The following C1orf94 variants were observed in gnomAD, a reference collection of about 807,000 sequenced individuals.
The protein encoded by C1orf94 is chromosome 1 open reading frame 94.
In C1orf94, 45 loss-of-function variants were observed where a neutral mutation model predicts 53.6. That is an observed-to-expected ratio of 0.84 (90% CI 0.66 to 1.08). The LOEUF is 1.08. C1orf94 is among the 50% of genes least tolerant of loss of function. The pLI, the probability that C1orf94 is intolerant of heterozygous loss-of-function variation, is 0.00. For synonymous variants in C1orf94, 304 were observed against 296.1 expected, an observed-to-expected ratio of 1.03 and a Z score of -0.27; for missense variants, 762 against 738.9, an observed-to-expected ratio of 1.03 and a Z score of -0.36.
upstream of C1orf94, among the ~76,000 whole-genome samples, chr1:34,174,020 C>T (rs1227173440): frequency 1.3e-5 from 2 of 152,234 alleles, no homozygotes; most frequent in Non-Finnish European, 2.9e-5. Flanking sequence ...GAATGCTTTG[C>T]CCCGCCTCTG....
chr1:34,207,262 GGTGTGTGTGTGTGTGT>G (rs58794132), intron 4 of C1orf94, among the ~76,000 whole-genome samples: 20 of 147,342 alleles, frequency 1.4e-4, no homozygotes, highest in South Asian at 6.7e-4. Context: ...AGTTCTGCGG[GGTGTGTGTGTGTGTGT>G]GTGTGTGTGT....
intron 1 of C1orf94, among the ~76,000 whole-genome samples, chr1:34,171,585 T>C (rs745503529): frequency 5.5e-4 from 84 of 152,364 alleles, no homozygotes; most frequent in Middle Eastern, 3.4e-3. Context: ...CACTGAGTTA[T>C]GATTTAATGT....
intron 1 of C1orf94, among the ~76,000 whole-genome samples, chr1:34,192,805 G>A (rs1368901206): frequency 6.6e-6 from 1 of 152,130 alleles, no homozygotes; most frequent in Non-Finnish European, 1.5e-5. Flanking sequence ...GGGGTTGCAG[G>A]GAGAAGCATT....
At chr1:34,187,381 T>C (rs6692400) in intron 1 of C1orf94, among the ~76,000 whole-genome samples, 59,124 of 151,864 alleles carry the variant, frequency 0.39, 11,719 homozygotes, top group South Asian at 0.52. Flanking sequence ...GTCTGCTTAG[T>C]ACCAGGAGCC....
rs952504025 is a variant in C1orf94, at chr1:34,197,589, C to A, written c.685C>A (p.Leu229Ile). 1.9e-6 allele frequency: 3 copies of A among 1,614,026 alleles called. No individual in the cohort carries two copies. Among genetic ancestry groups the A allele is most frequent in the Non-Finnish European group, 2.5e-6 (3 of 1,180,006 alleles). Residue 229 changes from leucine (L) to isoleucine (I), a missense_variant, in exon 2 of 7, where the codon CTA (leucine) becomes ATA (isoleucine). Transcript: ENST00000488417. The surrounding 1 kb of genome is among the most constrained non-coding windows in gnomAD (Gnocchi z 4.1). Reference protein sequence around the residue: ...SKGTEDRGRILGDSNLQVSKL... With the variant: ...SKGTEDRGRIIGDSNLQVSKL... Reference sequence around the variant, plus strand: ...GGGGACAGAGGACAGGGGCCGCATCCTAGGTGACTCCAACTTGCAAGTCAG... The same window carrying A: ...GGGGACAGAGGACAGGGGCCGCATCATAGGTGACTCCAACTTGCAAGTCAG...
At chr1:34,210,690 T>C (rs567991110) in intron 5 of C1orf94, among the ~76,000 whole-genome samples, 2 of 152,118 alleles carry the variant, frequency 1.3e-5, no homozygotes, top group African/African-American at 4.8e-5. Context: ...AGTCTCGCTC[T>C]GTTGCCCAGG....
intron 6 of C1orf94, among the ~76,000 whole-genome samples, chr1:34,216,796 A>G (rs1642995417): frequency 6.6e-6 from 1 of 152,234 alleles, no homozygotes; most frequent in South Asian, 2.1e-4. Flanking sequence ...TAATTATATC[A>G]GGCCAGACAC....
chr1:34,201,978 C>A, intron 3 of C1orf94, 106 bp from the exon 4 acceptor site: 1 of 1,151,446 alleles, frequency 8.7e-7, no homozygotes, highest in South Asian at 1.5e-5. Flanking sequence ...CTTAAAGGAC[C>A]TGACCTGTGA....
intron 1 of C1orf94, among the ~76,000 whole-genome samples, chr1:34,192,527 A>G (rs1315476668): frequency 6.6e-6 from 1 of 152,184 alleles, no homozygotes; most frequent in Non-Finnish European, 1.5e-5. Flanking sequence ...ACACATCCCG[A>G]CTGAGCTGGA....
At position 34,212,243 on chromosome 1, in the gene C1orf94, C is replaced by A. The variant is rs780701926; in HGVS notation, c.1558C>A (p.Gln520Lys). Residue 520 changes from glutamine to lysine, a missense_variant, in exon 6 of 7, where the codon CAG becomes AAG. Transcript: ENST00000488417. ...MPYNPQQMGQ[Q>K]IFRSSYTPLL... is the part of the protein sequence containing the mutation. The stretch of plus-strand genomic sequence containing the variant: ...ATACAACCCACAGCAGATGGGACAG[C>A]AGATCTTCCGCTCTTCCTACACCCC... 1.1e-5 allele frequency: 18 copies of A among 1,613,166 alleles called. No individual in the cohort carries two copies. Among genetic ancestry groups the A allele is most frequent in the Non-Finnish European group, 1.5e-5 (18 of 1,179,622 alleles).
rs1553131169 is a variant in C1orf94 at position 34,209,319 on chromosome 1, CAT to C, written c.1524+1086_1524+1087del. Among the ~76,000 whole-genome samples, 27 of 148,884 alleles carry C rather than the reference CAT, an allele frequency of 1.8e-4. 1 individual carries two copies. In the South Asian group the frequency reaches 2.7e-3, roughly 15 times the overall value. On this transcript the variant is annotated intron_variant, in intron 5 of 6. Coordinates refer to ENST00000488417, the MANE Select transcript of C1orf94 (RefSeq NM_001134734.2). ...ACACACACACACACACACACACACA[CAT>C]GCAGACAGAAACACAGGTATAGTTG...
Position 34,197,410 on chromosome 1 carries a change from G to T in C1orf94, c.506G>T (p.Gly169Val). 6.2e-7 allele frequency: 1 copy of T among 1,613,922 alleles called. No homozygotes were observed. Among genetic ancestry groups the T allele is most frequent in the Non-Finnish European group, 8.5e-7 (1 of 1,179,842 alleles). ...ATTCTTGCCCCTCCTCTAGTGGCAG[G>T]CAGTAATGAGCGCCCCAGAGCCTCC... ...PCILAPPLVA[G>V]SNERPRASII... The change falls in exon 2 of 7, where the codon GGC (glycine) becomes GTC (valine). Residue 169 changes from glycine to valine, a missense_variant. By Grantham distance (109) the Gly-to-Val change is moderately radical. Transcript: ENST00000488417. The surrounding 1 kb of genome is among the most constrained non-coding windows in gnomAD (Gnocchi z 4.1).
chr1:34,211,133 A>T (rs1036734638), intron 5 of C1orf94, among the ~76,000 whole-genome samples: 1 of 152,074 alleles, frequency 6.6e-6, no homozygotes, highest in African/African-American at 2.4e-5. Flanking sequence ...TCCGTATGAG[A>T]AAAGGTTTTC....
At chr1:34,209,772 G>T (rs297798) in intron 5 of C1orf94, among the ~76,000 whole-genome samples, 7,353 of 152,192 alleles carry the variant, frequency 0.048, 481 homozygotes, top group African/African-American at 0.15. Context: ...CTGGGTCAGG[G>T]AATCTCAGCC....
At chr1:34,178,173 G>A in intron 1 of C1orf94, 64 bp downstream of exon 1, 1 of 1,485,606 alleles carries the variant, frequency 6.7e-7, no homozygotes, top group Non-Finnish European at 9.1e-7. Context: ...TGACCTTCTG[G>A]GGGAATGTTC....
chr1:34,199,650 A>C (rs1024267229), intron 2 of C1orf94, among the ~76,000 whole-genome samples: 1 of 152,234 alleles, frequency 6.6e-6, no homozygotes, highest in African/African-American at 2.4e-5. Context: ...GTGCACAGCC[A>C]TCTGGTGGGT....
At chr1:34,168,730 A>C (rs1041241679) in intron 1 of C1orf94, among the ~76,000 whole-genome samples, 5 of 152,182 alleles carry the variant, frequency 3.3e-5, no homozygotes, top group African/African-American at 1.2e-4. Flanking sequence ...TTCCCATGGT[A>C]CATATCTGTG....
At chr1:34,172,394 A>C (rs1642158078), upstream of C1orf94, among the ~76,000 whole-genome samples, 1 of 152,230 alleles carries the variant, frequency 6.6e-6, no homozygotes, top group South Asian at 2.1e-4. Flanking sequence ...TTTTATTGAG[A>C]GTTTACCATA....
In C1orf94 at chr1:34,197,714, A is replaced by G. The variant is rs1203841828; in HGVS notation, c.810A>G (p.Leu270=). 3.7e-6 allele frequency: 6 copies of G among 1,614,092 alleles called. No homozygotes were observed. The highest frequency in any genetic ancestry group is 4.2e-6 in the Non-Finnish European group (5 of 1,180,014). Residue 270 remains leucine, a synonymous_variant, in exon 2 of 7, where the codon CTA becomes CTG. Transcript: ENST00000488417. The surrounding 1 kb of genome is among the most constrained non-coding windows in gnomAD (Gnocchi z 4.1). ...LDKTRVTKDF[L]QDNLFSGPGP... ...AGACAAGGGTCACCAAGGACTTCCTACAGGACAACCTGTTCAGTGGCCCTG... is the reference window on the plus strand; with the variant it reads ...AGACAAGGGTCACCAAGGACTTCCTGCAGGACAACCTGTTCAGTGGCCCTG...
Sources: gnomAD v4.1 joint callset for allele counts (sites outside exome capture counted in the v4.1 genomes callset) on GRCh38, gnomAD v4.1.1 for gene constraint, Gnocchi (gnomAD v3.1) non-coding constraint, MANE v1.5 for transcripts, NCBI Gene and HGNC (gene_info 2026-07-23, HGNC 2026-07-21) for gene names.